FRMD5: variants seen among roughly 807,000 people sequenced by gnomAD.
The protein encoded by FRMD5 is FERM domain containing 5.
FRMD5 carries 20 observed loss-of-function variants against 69.0 expected under a neutral mutation model. The observed-to-expected ratio is 0.29, with a 90% CI of 0.20 to 0.42. The LOEUF is 0.42. Among genes scored for constraint, FRMD5 ranks in the 10% least tolerant of loss-of-function variants. FRMD5 has a pLI of 1.00. For missense variants in FRMD5, 595 were observed against 708.6 expected (o/e 0.84, Z 1.82); for synonymous variants, 271 against 260.1 (o/e 1.04, Z -0.40).
intron 10 of FRMD5, among the ~76,000 whole-genome samples, chr15:43,886,457 G>A (rs956051292): frequency 6.6e-5 from 10 of 152,196 alleles, no homozygotes; most frequent in African/African-American, 2.2e-4. Context: ...GACAGCCGAT[G>A]TGGAGCTCTG....
intron 1 of FRMD5, among the ~76,000 whole-genome samples, chr15:44,063,223 T>C (rs1040865149): frequency 6.6e-6 from 1 of 152,224 alleles, no homozygotes; most frequent in Non-Finnish European, 1.5e-5. Flanking sequence ...GTTTTGAGAT[T>C]TTAAACCATT....
chr15:43,922,204 G>C (rs1183691330), intron 2 of FRMD5, among the ~76,000 whole-genome samples: 1 of 152,226 alleles, frequency 6.6e-6, no homozygotes, highest in African/African-American at 2.4e-5. Flanking sequence ...TGGCCCTGGA[G>C]TCAAACAGGT....
intron 1 of FRMD5, among the ~76,000 whole-genome samples, chr15:44,061,338 G>A (rs1218826389): frequency 1.3e-5 from 2 of 152,148 alleles, no homozygotes; most frequent in Non-Finnish European, 2.9e-5. Flanking sequence ...GAGAGATTAT[G>A]GTTTCAGTCT....
intron 1 of FRMD5, among the ~76,000 whole-genome samples, chr15:44,035,940 T>C (rs926535945): frequency 6.6e-6 from 1 of 152,186 alleles, no homozygotes; most frequent in Non-Finnish European, 1.5e-5. Flanking sequence ...AAAAATGTTA[T>C]ACATGTGCTC....
chr15:44,120,538 T>C (rs1293145577), intron 1 of FRMD5, among the ~76,000 whole-genome samples: 1 of 149,970 alleles, frequency 6.7e-6, no homozygotes. Context: ...AGTGGATTTT[T>C]TTTTTTTTTT....
At chr15:44,037,759 C>T (rs559856237) in intron 1 of FRMD5, among the ~76,000 whole-genome samples, 14 of 151,916 alleles carry the variant, frequency 9.2e-5, no homozygotes, top group Non-Finnish European at 1.9e-4. Flanking sequence ...CAGGTGTGAG[C>T]CACTGTGCCC....
At chr15:44,175,837 T>C (rs952003390) in intron 1 of FRMD5, among the ~76,000 whole-genome samples, 2 of 152,198 alleles carry the variant, frequency 1.3e-5, no homozygotes, top group African/African-American at 2.4e-5. Flanking sequence ...AAAAGCATTA[T>C]GCTTACACTG....
At chr15:44,052,129 T>C (rs1173130040) in intron 1 of FRMD5, among the ~76,000 whole-genome samples, 1 of 152,222 alleles carries the variant, frequency 6.6e-6, no homozygotes, top group African/African-American at 2.4e-5. Flanking sequence ...GGGAGATTTG[T>C]CTTTTCTCCC....
Position 44,098,120 on chromosome 15 carries a change from A to AAAAAAACAC in FRMD5, c.102+96832_102+96833insGTGTTTTTT, listed in dbSNP as rs1555403632. The stretch of plus-strand genomic sequence containing the variant: ...AAAAGTTCAGAGTGACAAAACAAAA[A>AAAAAAACAC]AAAAAAAACTAAACAACAACAACAA... On this transcript the variant is annotated intron_variant, in intron 1 of 13. Transcript: ENST00000417257. Among the ~76,000 whole-genome samples, 60 of 142,272 alleles carry AAAAAAACAC rather than the reference A, an allele frequency of 4.2e-4. 1 individual carries two copies. The South Asian group carries it at 5.2e-3, about 12-fold the overall frequency. The allele number at this position is 142,272 out of a possible 152,430, so 93.3% of individuals were successfully genotyped here. A position where few individuals can be genotyped will look rare whatever the true frequency, so the allele number is the denominator to read the frequency against.
At chr15:44,093,118 G>A (rs765595987) in intron 1 of FRMD5, among the ~76,000 whole-genome samples, 4 of 151,760 alleles carry the variant, frequency 2.6e-5, no homozygotes, top group Non-Finnish European at 4.4e-5. Context: ...TTTTAGTAGA[G>A]ACGGGGTTTC....
At chr15:44,054,299 A>C (rs1043571768) in intron 1 of FRMD5, among the ~76,000 whole-genome samples, 56 of 152,230 alleles carry the variant, frequency 3.7e-4, no homozygotes, top group African/African-American at 1.4e-3. Context: ...GTGTGGGAGC[A>C]GCTTTTATCC....
At chr15:43,992,232 G>T (rs374902990) in intron 1 of FRMD5, among the ~76,000 whole-genome samples, 11 of 152,086 alleles carry the variant, frequency 7.2e-5, no homozygotes, top group African/African-American at 2.7e-4. Flanking sequence ...TTAATCTGAC[G>T]TGGAGTTTTA....
intron 1 of FRMD5, among the ~76,000 whole-genome samples, chr15:43,953,592 G>A (rs1186663317): frequency 1.3e-5 from 2 of 152,178 alleles, no homozygotes; most frequent in Non-Finnish European, 2.9e-5. Context: ...GCAGAACTAG[G>A]AGAACTATGG....
intron 1 of FRMD5, among the ~76,000 whole-genome samples, chr15:44,077,676 T>C (rs1291269929): frequency 2.0e-5 from 3 of 151,972 alleles, no homozygotes; most frequent in African/African-American, 7.2e-5. Context: ...TTCAAACAGA[T>C]AGGGGAGGAA....
intron 7 of FRMD5, 90 bp downstream of exon 7, chr15:43,902,084 AG>A: frequency 2.3e-6 from 2 of 881,186 alleles, no homozygotes; most frequent in Non-Finnish European, 3.8e-6. Context: ...TAAACGTTGA[AG>A]GGGGCCTCTG....
At chr15:44,051,621 T>C (rs1231640976) in intron 1 of FRMD5, among the ~76,000 whole-genome samples, 1 of 152,122 alleles carries the variant, frequency 6.6e-6, no homozygotes, top group African/African-American at 2.4e-5. Flanking sequence ...GCTCTTTTTC[T>C]ATTCTAGGAT....
At chr15:44,165,074 A>C (rs2077686222) in intron 1 of FRMD5, among the ~76,000 whole-genome samples, 1 of 152,122 alleles carries the variant, frequency 6.6e-6, no homozygotes, top group Non-Finnish European at 1.5e-5. Context: ...CCTGCTTATA[A>C]AATTTCTGAG....
rs1363843416 is a variant in FRMD5 at position 43,883,907 on chromosome 15, A to T, written c.1029-98T>A. 11 of 843,644 alleles carry T rather than the reference A, an allele frequency of 1.3e-5. No homozygotes were observed. In the African/African-American group the frequency reaches 1.9e-4, roughly 14 times the overall value. The allele number at this position is 843,644 out of a possible 1,614,324, so 52.3% of individuals were successfully genotyped here. ...CTGGCTACTAGAATTGCCTGGCTATATTAAGTCTTGGTCTCTCTCTTTTTT... is the reference window on the plus strand; with the variant it reads ...CTGGCTACTAGAATTGCCTGGCTATTTTAAGTCTTGGTCTCTCTCTTTTTT... On this transcript the variant is annotated intron_variant, in intron 12 of 13. Coordinates refer to ENST00000417257, the MANE Select transcript of FRMD5 (RefSeq NM_032892.5).
intron 1 of FRMD5, among the ~76,000 whole-genome samples, chr15:44,191,818 G>T (rs1269298504): frequency 6.7e-6 from 1 of 148,236 alleles, no homozygotes; most frequent in Non-Finnish European, 1.5e-5. Context: ...TGAGTTCAAA[G>T]ATATTAGTTA....
Sources: gnomAD v4.1 joint callset for allele counts (sites outside exome capture counted in the v4.1 genomes callset) on GRCh38, gnomAD v4.1.1 for gene constraint, MANE v1.5 for transcripts, NCBI Gene and HGNC (gene_info 2026-07-23, HGNC 2026-07-21) for gene names.